PHOX2A: variants seen among roughly 807,000 people sequenced by gnomAD.
PHOX2A encodes paired mesoderm homeobox protein 2A.
In PHOX2A, 10 loss-of-function variants were observed where a neutral mutation model predicts 16.4. The ratio of observed to expected loss-of-function variants is 0.61; its 90% CI spans 0.38 to 1.04. The LOEUF (loss-of-function observed/expected upper bound fraction) is 1.04, where lower values mean the gene tolerates loss of function less well. PHOX2A is among the 50% of genes least tolerant of loss of function. The probability of loss-of-function intolerance (pLI) is 0.01; values close to 1 mark genes in which losing one functional copy is unlikely to be tolerated. For synonymous variants in PHOX2A, 219 were observed against 203.8 expected, an observed-to-expected ratio of 1.07 and a Z score of -0.64; for missense variants, 361 against 419.4, an observed-to-expected ratio of 0.86 and a Z score of 1.22.
intron 2 of PHOX2A, among the ~76,000 whole-genome samples, chr11:72,240,548 CCAGG>C: frequency 6.6e-6 from 1 of 152,332 alleles, no homozygotes; most frequent in East Asian, 1.9e-4. Flanking sequence ...CTGGAGTGTT[CCAGG>C]GCCGTGGAGA....
At position 72,241,635 on chromosome 11, in the gene PHOX2A, A is replaced by C. The variant is rs551774843; in HGVS notation, c.218-346T>G. Among the ~76,000 whole-genome samples the C allele has an allele frequency of 4.6e-4, 61 of 132,428 alleles. 1 individual carries two copies. The highest frequency in any genetic ancestry group is 1.8e-3 in the African/African-American group (61 of 34,704). The allele number at this position is 132,428 out of a possible 152,430, so 86.9% of individuals were successfully genotyped here. ...TCCATCTCCCCCTGCACCCCCATTC[A>C]ACCGTGCCTCCGACCCTTCCCTCCT... On this transcript the variant is annotated intron_variant, in intron 1 of 2. Coordinates refer to ENST00000298231, the MANE Select transcript of PHOX2A (RefSeq NM_005169.4).
chr11:72,240,995 G>T, intron 2 of PHOX2A, 107 bp downstream of exon 2: 2 of 1,248,448 alleles, frequency 1.6e-6, no homozygotes, highest in Non-Finnish European at 2.3e-6. Flanking sequence ...ACCGCGCCCT[G>T]CCTTCGGGCT....
rs1278389052 is a variant in PHOX2A at position 72,241,280 on chromosome 11, T to G, written c.227A>C (p.Lys76Thr). The G allele has an allele frequency of 6.4e-7, 1 of 1,563,852 alleles. No homozygotes were observed. Among genetic ancestry groups the G allele is most frequent in the Non-Finnish European group, 8.6e-7 (1 of 1,159,206 alleles). The change falls in exon 2 of 3, where the codon AAG becomes ACG. Residue 76 changes from lysine to threonine, a missense_variant. Lys to Thr is a moderately conservative substitution (Grantham distance 78, BLOSUM62 -1). Transcript: ENST00000298231. ...QPAPYSAVPY[K>T]FFPEPSGLHE... The stretch of plus-strand genomic sequence containing the variant: ...CAGGCCGGATGGCTCTGGGAAGAAC[T>G]TGTAGGGCACTGCGGGTGTGTGCAG...
At position 72,240,034 on chromosome 11, in the gene PHOX2A, G is replaced by C; in HGVS notation, c.570C>G (p.Ala190=). The change falls in exon 3 of 3, where the codon GCC becomes GCG. Residue 190 remains alanine, a synonymous_variant. Coordinates refer to ENST00000298231, the MANE Select transcript of PHOX2A (RefSeq NM_005169.4). ...STCSPTPDST[A]SLPPPPAPGL... ...CGGGCGCAGGCGGCGGCGGCAGCGA[G>C]GCGGTGCTATCGGGCGTGGGGCTGC... 1.4e-6 allele frequency: 2 copies of C among 1,462,914 alleles called. No individual in the cohort carries two copies. Among genetic ancestry groups the C allele is most frequent in the Non-Finnish European group, 1.8e-6 (2 of 1,112,886 alleles). The allele number at this position is 1,462,914 out of a possible 1,614,324, so 90.6% of individuals were successfully genotyped here. A position where few individuals can be genotyped will look rare whatever the true frequency, so the allele number is the denominator to read the frequency against.
In PHOX2A at chr11:72,239,850, T is replaced by C; in HGVS notation, c.754A>G (p.Lys252Glu). Residue 252 changes from lysine to glutamate, a missense_variant, in exon 3 of 3, where the codon AAG becomes GAG. By Grantham distance (56) the Lys-to-Glu change is moderately conservative (BLOSUM62 1). Around this residue, in one of 3 missense-constraint regions of PHOX2A, gnomAD observed 71 missense variants for 54.1 expected, o/e 1.31. Transcript: ENST00000298231. ...GPGAGAAELL[K>E]AWQPAESGPG... The stretch of plus-strand genomic sequence containing the variant: ...CCGGACTCCGCCGGCTGCCAAGCCT[T>C]AAGTAGTTCGGCCGCTCCCGCGCCA... 1 of 1,385,072 alleles carries C rather than the reference T, an allele frequency of 7.2e-7. No individual in the cohort carries two copies. Among genetic ancestry groups the C allele is most frequent in the African/African-American group, 1.5e-5 (1 of 67,098 alleles). The allele number at this position is 1,385,072 out of a possible 1,614,324, so 85.8% of individuals were successfully genotyped here.
At chr11:72,241,379 G>A (rs542127105) in intron 1 of PHOX2A, 90 bp from the exon 2 acceptor site, 151 of 781,850 alleles carry the variant, frequency 1.9e-4, no homozygotes, top group Middle Eastern at 3.7e-4. Flanking sequence ...AGCTCCGGGG[G>A]AATCACACGC....
chr11:72,240,098 C>A lies in PHOX2A; in HGVS notation c.506G>T (p.Arg169Leu). The stretch of plus-strand genomic sequence containing the variant: ...GGAATCGTCGTCCTCGGAGGAGCAG[C>A]GCGCCTCGCCCTTTTTGGCGCCCGC... ...GAAGAKKGEA[R>L]CSSEDDDSKE... The change falls in exon 3 of 3, where the codon CGC becomes CTC. Residue 169 changes from arginine to leucine, a missense_variant. Arg to Leu is a moderately radical substitution (Grantham distance 102). Coordinates refer to ENST00000298231, the MANE Select transcript of PHOX2A (RefSeq NM_005169.4). The A allele has an allele frequency of 1.3e-6, 2 of 1,531,144 alleles. No individual in the cohort carries two copies. Among genetic ancestry groups the A allele is most frequent in the Non-Finnish European group, 1.7e-6 (2 of 1,143,804 alleles). The allele number at this position is 1,531,144 out of a possible 1,614,324, so 94.8% of individuals were successfully genotyped here. A position where few individuals can be genotyped will look rare whatever the true frequency, so the allele number is the denominator to read the frequency against.
chr11:72,239,779 G>A lies in PHOX2A; in HGVS notation c.825C>T (p.Pro275=). ...SGVLSSFHRK[P]GPALKTNLF ...AGAGATTGGTCTTCAGGGCGGGGCC[G>A]GGCTTCCGGTGAAAGGAGGACAGAA... The change falls in exon 3 of 3, where the codon CCC becomes CCT. Residue 275 remains proline (P), a synonymous_variant. Transcript: ENST00000298231. The A allele has an allele frequency of 1.5e-6, 2 of 1,330,562 alleles. No homozygotes were observed. The highest frequency in any genetic ancestry group is 1.9e-6 in the Non-Finnish European group (2 of 1,031,910). The allele number at this position is 1,330,562 out of a possible 1,614,324, so 82.4% of individuals were successfully genotyped here.
At chr11:72,241,019 T>C in intron 2 of PHOX2A, 83 bp downstream of exon 2, 1 of 1,438,904 alleles carries the variant, frequency 6.9e-7, no homozygotes, top group Non-Finnish European at 9.6e-7. Flanking sequence ...TCTGCCTGTA[T>C]TCCCCTACCC....
At chr11:72,240,604 G>A (rs550377946) in intron 2 of PHOX2A, among the ~76,000 whole-genome samples, 15 of 152,360 alleles carry the variant, frequency 9.8e-5, no homozygotes, top group African/African-American at 3.4e-4. Flanking sequence ...AGGGCATCCA[G>A]TCAAGGCGGG....
Position 72,239,573 on chromosome 11 carries a change from G to T in PHOX2A, c.*176C>A. The T allele has an allele frequency of 2.3e-6, 1 of 432,414 alleles. No homozygotes were observed. The allele number at this position is 432,414 out of a possible 1,614,324, so 26.8% of individuals were successfully genotyped here. On this transcript the variant is annotated 3_prime_UTR_variant, in exon 3 of 3. Transcript: ENST00000298231. Reference sequence around the variant, plus strand: ...CTGCTGGTAGAGGGTGGGTGAGGACGAGAGTGGCCCTGACTTGGTCTCCAA... The same window carrying T: ...CTGCTGGTAGAGGGTGGGTGAGGACTAGAGTGGCCCTGACTTGGTCTCCAA...
rs1949145169 is a variant in PHOX2A at position 72,244,170 on chromosome 11, CG to C, written c.-167del. 2.5e-6 allele frequency: 1 copy of C among 393,092 alleles called. No homozygotes were observed. Among genetic ancestry groups the C allele is most frequent in the Non-Finnish European group, 4.5e-6 (1 of 223,902 alleles). 24.4% of individuals were successfully genotyped at this position (393,092 alleles called of 1,614,324 possible). ...GCGGCCGCACTCAGCCCGGGTGCAA[CG>C]CAAGTGCAGCCAGCCCGGCCCGCGC... On this transcript the variant is annotated 5_prime_UTR_variant, in exon 1 of 3. Transcript: ENST00000298231.
chr11:72,241,560 C>T (rs1949122307), intron 1 of PHOX2A, among the ~76,000 whole-genome samples: 1 of 148,478 alleles, frequency 6.7e-6, no homozygotes. Context: ...CCAAGACACT[C>T]CCTCCCCCAC....
In PHOX2A at chr11:72,240,184, G is replaced by T; in HGVS notation, c.420C>A (p.Asn140Lys). Residue 140 changes from asparagine (N) to lysine (K), a missense_variant, in exon 3 of 3, where the codon AAC becomes AAA. Physicochemically the swap from Asn to Lys is moderately conservative, Grantham distance 94. This residue lies in a region of PHOX2A where 235 missense variants were observed against 263.8 expected (regional missense o/e 0.89). Transcript: ENST00000298231. ...TEARVQVWFQ[N>K]RRAKFRKQER... ...CCTGTTTGCGGAACTTGGCCCGGCGGTTCTGGAACCAGACCTGCGGGCACA... is the reference window on the plus strand; with the variant it reads ...CCTGTTTGCGGAACTTGGCCCGGCGTTTCTGGAACCAGACCTGCGGGCACA... 1 of 1,535,728 alleles carries T rather than the reference G, an allele frequency of 6.5e-7. No homozygotes were observed. Among genetic ancestry groups the T allele is most frequent in the Non-Finnish European group, 8.7e-7 (1 of 1,145,894 alleles).
chr11:72,243,677 TG>T, intron 1 of PHOX2A, 110 bp downstream of exon 1: 1 of 544,318 alleles, frequency 1.8e-6, no homozygotes, highest in African/African-American at 1.9e-5. Context: ...TTGGAGGGTC[TG>T]GCCAAGGCAG....
In PHOX2A at chr11:72,243,799, G is replaced by GGC; in HGVS notation, c.204_205dup (p.Pro69ArgfsTer138). The GGC allele has an allele frequency of 8.0e-7, 1 of 1,249,372 alleles. No individual in the cohort carries two copies. Among genetic ancestry groups the GGC allele is most frequent in the Non-Finnish European group, 1.0e-6 (1 of 995,868 alleles). 77.4% of individuals were successfully genotyped at this position (1,249,372 alleles called of 1,614,324 possible). ...GGGGCTGCGCTCACCTGCCGAGTAG[G>GGC]GCGCGGGCTGGTGGTCGCGTAGGGC... is the stretch of plus-strand genomic sequence containing the variant. On this transcript the variant is annotated frameshift_variant, in exon 1 of 3. Coordinates refer to ENST00000298231, the MANE Select transcript of PHOX2A (RefSeq NM_005169.4). LOFTEE classifies it high-confidence loss of function.
Position 72,239,629 on chromosome 11 carries a change from A to C in PHOX2A, c.*120T>G. The C allele has an allele frequency of 7.0e-6, 5 of 714,514 alleles. No homozygotes were observed. The highest frequency in any genetic ancestry group is 4.2e-4 in the Middle Eastern group (1 of 2,362). 44.3% of individuals were successfully genotyped at this position (714,514 alleles called of 1,614,324 possible). On this transcript the variant is annotated 3_prime_UTR_variant, in exon 3 of 3. Coordinates refer to ENST00000298231, the MANE Select transcript of PHOX2A (RefSeq NM_005169.4). ...GGGAGGACACACCGAGGGGTGAGAC[A>C]GTAGGGAGTGGAGACGGATGGGGAC...
In PHOX2A at chr11:72,240,122, G is replaced by C. The variant is rs1160019132; in HGVS notation, c.482C>G (p.Ala161Gly). The change falls in exon 3 of 3, where the codon GCG becomes GGG. Residue 161 changes from alanine (A) to glycine (G), a missense_variant. By Grantham distance (60) the Ala-to-Gly change is moderately conservative. This residue lies in a region of PHOX2A where 235 missense variants were observed against 263.8 expected (regional missense o/e 0.89). Coordinates refer to ENST00000298231, the MANE Select transcript of PHOX2A (RefSeq NM_005169.4). ...GCGCGCCTCGCCCTTTTTGGCGCCC[G>C]CCGCGCCCGCCGCGCCCTTGGCGCT... Reference protein sequence around the residue: ...AASAKGAAGAAGAKKGEARCS... With the variant: ...AASAKGAAGAGGAKKGEARCS... The C allele has an allele frequency of 3.3e-6, 5 of 1,523,902 alleles. No homozygotes were observed. Among genetic ancestry groups the C allele is most frequent in the Non-Finnish European group, 4.4e-6 (5 of 1,143,334 alleles). 94.4% of individuals were successfully genotyped at this position (1,523,902 alleles called of 1,614,324 possible). A position where few individuals can be genotyped will look rare whatever the true frequency, so the allele number is the denominator to read the frequency against.
chr11:72,241,066 A>G, intron 2 of PHOX2A, 36 bp downstream of exon 2: 1 of 1,606,082 alleles, frequency 6.2e-7, no homozygotes, highest in African/African-American at 1.3e-5. Context: ...ACCTCCTTCC[A>G]TGCGCACTCT....
Sources: allele counts gnomAD v4.1 joint callset (sites outside exome capture counted in the v4.1 genomes callset), GRCh38; gene constraint gnomAD v4.1.1; regional missense constraint gnomAD v4.1.1; transcripts MANE v1.5; gene names NCBI Gene and HGNC (gene_info 2026-07-23, HGNC 2026-07-21).